Variants in ADGRG7 observed in about 807,000 individuals in gnomAD.
The protein encoded by ADGRG7 is adhesion G protein-coupled receptor G7.
A neutral mutation model predicts 88.6 loss-of-function variants in ADGRG7; 82 were observed. That is an observed-to-expected ratio of 0.93 (90% confidence interval 0.77 to 1.11). ADGRG7 has a LOEUF of 1.11. Among genes scored for constraint, ADGRG7 ranks in the 50% most tolerant of loss-of-function variants. The pLI, the probability that ADGRG7 is intolerant of heterozygous loss-of-function variation, is 0.00. For missense variants in ADGRG7, 945 were observed against 953.4 expected, an observed-to-expected ratio of 0.99 and a Z score of 0.12; for synonymous variants, 381 against 345.2, an observed-to-expected ratio of 1.10 and a Z score of -1.15.
intron 1 of ADGRG7, among the ~76,000 whole-genome samples, chr3:100,626,787 G>GA (rs1213573416): frequency 2.7e-5 from 4 of 150,888 alleles, no homozygotes; most frequent in South Asian, 2.1e-4. Flanking sequence ...TCCGTCAAAA[G>GA]AAAAAAAAAT....
chr3:100,648,509 A>T (rs1465611833), intron 10 of ADGRG7, among the ~76,000 whole-genome samples: 1 of 152,178 alleles, frequency 6.6e-6, no homozygotes, highest in African/African-American at 2.4e-5. Flanking sequence ...TGCATAAAGC[A>T]TGAAAGTATG....
At chr3:100,645,612 C>G (rs1314006846) in intron 8 of ADGRG7, among the ~76,000 whole-genome samples, 1 of 152,154 alleles carries the variant, frequency 6.6e-6, no homozygotes, top group African/African-American at 2.4e-5. Context: ...TTCACTCTCT[C>G]CATCTCTCAT....
chr3:100,681,980 T>C (rs1691409355), intron 15 of ADGRG7, among the ~76,000 whole-genome samples: 1 of 152,208 alleles, frequency 6.6e-6, no homozygotes, highest in African/African-American at 2.4e-5. Flanking sequence ...TTAGAACTTT[T>C]TGAGAATTTT....
intron 5 of ADGRG7, 37 bp from the exon 6 acceptor site, chr3:100,637,265 T>C (rs1446109741): frequency 1.5e-6 from 2 of 1,300,986 alleles, no homozygotes; most frequent in African/African-American, 2.9e-5. Flanking sequence ...ATGTATGATA[T>C]ATGCTTCTCT....
chr3:100,611,031 C>T (rs1270792095), intron 1 of ADGRG7, among the ~76,000 whole-genome samples: 1 of 151,950 alleles, frequency 6.6e-6, no homozygotes, highest in Non-Finnish European at 1.5e-5. Flanking sequence ...AATACTGTAT[C>T]GATAGTATTT....
intron 11 of ADGRG7, among the ~76,000 whole-genome samples, chr3:100,653,104 A>G (rs547590933): frequency 1.3e-5 from 2 of 152,348 alleles, no homozygotes; most frequent in East Asian, 3.9e-4. Flanking sequence ...GATGAAAATA[A>G]GGTTCTGAAA....
rs769357139 is a variant in ADGRG7 at position 100,629,723 on chromosome 3, G to A, written c.229+12G>A. On this transcript the variant is annotated intron_variant, in intron 2 of 15. Transcript: ENST00000273352. ...GAGATGTACAATTGGTAAATTACTTGGGATAATGCTAAAGTGTAAGGTTTA... is the reference window on the plus strand; with the variant it reads ...GAGATGTACAATTGGTAAATTACTTAGGATAATGCTAAAGTGTAAGGTTTA... The A allele has an allele frequency of 2.1e-5, 32 of 1,525,194 alleles. No individual in the cohort carries two copies. The highest frequency in any genetic ancestry group is 2.9e-5 in the Non-Finnish European group (32 of 1,099,700). 94.5% of individuals were successfully genotyped at this position (1,525,194 alleles called of 1,614,324 possible). A position where few individuals can be genotyped will look rare whatever the true frequency, so the allele number is the denominator to read the frequency against.
chr3:100,615,656 A>C (rs1222116451), intron 1 of ADGRG7, among the ~76,000 whole-genome samples: 1 of 152,252 alleles, frequency 6.6e-6, no homozygotes, highest in Non-Finnish European at 1.5e-5. Flanking sequence ...GAAGGAGTAG[A>C]CATGGATGGA....
chr3:100,612,872 T>C (rs1455871177), intron 1 of ADGRG7, among the ~76,000 whole-genome samples: 2 of 152,112 alleles, frequency 1.3e-5, no homozygotes, highest in African/African-American at 4.8e-5. Context: ...CTTCATAGCA[T>C]TGATAATTTT....
At position 100,646,724 on chromosome 3, in the gene ADGRG7, G is replaced by C; in HGVS notation, c.1266G>C (p.Met422Ile). The C allele has an allele frequency of 6.2e-7, 1 of 1,613,542 alleles. No individual in the cohort carries two copies. The highest frequency in any genetic ancestry group is 1.1e-5 in the South Asian group (1 of 91,010). Residue 422 changes from methionine (M) to isoleucine (I), a missense_variant and splice_region_variant, in exon 10 of 16, where the codon ATG becomes ATC. Physicochemically the swap from Met to Ile is conservative, Grantham distance 10 (BLOSUM62 1). Transcript: ENST00000273352. ...ATACTACTAATTTTGCTGTATTAAT[G>C]GTAAGGATATACATAGCAATCTCTT... ...CNHTTNFAVL[M>I]TFKKDYQYPK...
rs1423153581 is a variant in ADGRG7, at chr3:100,635,707, A to G, written c.478A>G (p.Ile160Val). 5 of 1,613,986 alleles carry G rather than the reference A, an allele frequency of 3.1e-6. No individual in the cohort carries two copies. The highest frequency in any genetic ancestry group is 1.6e-4 in the Middle Eastern group (1 of 6,062). Residue 160 changes from isoleucine (I) to valine (V), a missense_variant, in exon 5 of 16, where the codon ATT (isoleucine) becomes GTT (valine). Ile to Val is a conservative substitution (Grantham distance 29). Coordinates refer to ENST00000273352, the MANE Select transcript of ADGRG7 (RefSeq NM_032787.3). ...VKDVTAPLNN[I>V]SSEVQILTSD... ...GGATGTCACAGCACCACTTAATAACATTTCTTCTGAAGTCCAGATTTTAAC... is the reference window on the plus strand; with the variant it reads ...GGATGTCACAGCACCACTTAATAACGTTTCTTCTGAAGTCCAGATTTTAAC...
chr3:100,669,005 T>C lies in ADGRG7; in HGVS notation c.2036T>C (p.Val679Ala). 6.2e-7 allele frequency: 1 copy of C among 1,606,006 alleles called. No individual in the cohort carries two copies. The highest frequency in any genetic ancestry group is 8.5e-7 in the Non-Finnish European group (1 of 1,176,356). Residue 679 changes from valine (V) to alanine (A), a missense_variant, in exon 15 of 16, where the codon GTT becomes GCT. By Grantham distance (64) the Val-to-Ala change is moderately conservative. Transcript: ENST00000273352. ...KIVSTLSVAV[V>A]FGITWILAYL... Reference sequence around the variant, plus strand: ...GTTAGCACATTATCTGTTGCAGTTGTTTTTGGAATTACCTGGATTCTAGCA... The same window carrying C: ...GTTAGCACATTATCTGTTGCAGTTGCTTTTGGAATTACCTGGATTCTAGCA...
chr3:100,652,892 A>G (rs144093499), intron 11 of ADGRG7, among the ~76,000 whole-genome samples: 1 of 152,260 alleles, frequency 6.6e-6, no homozygotes, highest in Non-Finnish European at 1.5e-5. Context: ...GAGCAAAGAC[A>G]TTAGGTAAGC....
intron 11 of ADGRG7, among the ~76,000 whole-genome samples, chr3:100,653,275 AT>A: frequency 1.3e-5 from 2 of 152,264 alleles, no homozygotes; most frequent in East Asian, 3.8e-4. Context: ...TGTAAGCTTC[AT>A]TCTTTAAACG....
At chr3:100,636,626 C>T (rs1169284482) in intron 5 of ADGRG7, among the ~76,000 whole-genome samples, 1 of 144,220 alleles carries the variant, frequency 6.9e-6, no homozygotes, top group African/African-American at 2.5e-5. Flanking sequence ...CTTCCATTCC[C>T]TTTAAATGTT....
At chr3:100,685,156 A>G (rs149853481) in intron 15 of ADGRG7, among the ~76,000 whole-genome samples, 1 of 152,236 alleles carries the variant, frequency 6.6e-6, no homozygotes, top group African/African-American at 2.4e-5. Flanking sequence ...TTTTGAGTAA[A>G]TATTTAGTGG....
At chr3:100,670,700 A>T (rs1268996745) in intron 15 of ADGRG7, among the ~76,000 whole-genome samples, 1 of 151,978 alleles carries the variant, frequency 6.6e-6, no homozygotes, top group Non-Finnish European at 1.5e-5. Flanking sequence ...TCCTAATGCT[A>T]TCCCTTCCCT....
rs766478473 is a variant in ADGRG7 at position 100,629,652 on chromosome 3, C to A, written c.170C>A (p.Thr57Asn). 30 of 1,613,142 alleles carry A rather than the reference C, an allele frequency of 1.9e-5. No homozygotes were observed. The highest frequency in any genetic ancestry group is 1.7e-4 in the Admixed American group (10 of 59,938). ...ACAGAGTTCTGCAGGAATGGTGGAA[C>A]CTGGGAAAATGGCAGATGTATTTGT... ...TPTEFCRNGG[T>N]WENGRCICTE... Residue 57 changes from threonine to asparagine, a missense_variant, in exon 2 of 16, where the codon ACC becomes AAC. Transcript: ENST00000273352.
At chr3:100,618,176 C>T (rs1170393707) in intron 1 of ADGRG7, among the ~76,000 whole-genome samples, 17 of 152,262 alleles carry the variant, frequency 1.1e-4, no homozygotes, top group African/African-American at 4.1e-4. Context: ...TGCCTGTTCA[C>T]TCTGATGGTA....
Sources: gnomAD v4.1 joint callset for allele counts (sites outside exome capture counted in the v4.1 genomes callset) on GRCh38, gnomAD v4.1.1 for gene constraint, MANE v1.5 for transcripts, NCBI Gene and HGNC (gene_info 2026-07-23, HGNC 2026-07-21) for gene names.